The following ANP32A variants were observed in gnomAD, a reference collection of about 807,000 sequenced individuals.
The protein encoded by ANP32A is acidic leucine-rich nuclear phosphoprotein 32 family member A.
A neutral mutation model predicts 33.9 loss-of-function variants in ANP32A; 1 was observed. The ratio of observed to expected loss-of-function variants is 0.03; its 90% CI spans 0.01 to 0.14. ANP32A has a LOEUF of 0.14. ANP32A is among the 10% of genes least tolerant of loss of function. The pLI is 1.00. For missense variants in ANP32A, 155 were observed against 306.0 expected (o/e 0.51, Z 3.68); for synonymous variants, 115 against 120.5 (o/e 0.95, Z 0.30).
intron 4 of ANP32A, 52 bp from the exon 5 acceptor site, chr15:68,783,105 G>GC (rs565045993): frequency 1.6e-5 from 24 of 1,548,238 alleles, no homozygotes; most frequent in Admixed American, 9.8e-5. Flanking sequence ...AGCTGGCTCC[G>GC]CCCCCCACAC....
At chr15:68,805,685 G>A (rs938798561) in intron 1 of ANP32A, among the ~76,000 whole-genome samples, 10 of 152,200 alleles carry the variant, frequency 6.6e-5, no homozygotes, top group African/African-American at 9.7e-5. Context: ...GGTACTTCTA[G>A]ATCAGATATC....
chr15:68,813,831 G>A (rs914424799), intron 1 of ANP32A, among the ~76,000 whole-genome samples: 4 of 150,234 alleles, frequency 2.7e-5, no homozygotes, highest in African/African-American at 9.8e-5. Flanking sequence ...GCAAAGGCAT[G>A]AGATGTCTAA....
In ANP32A at chr15:68,780,093, T is replaced by A. The variant is rs754998040; in HGVS notation, c.738A>T (p.Glu246Asp). ...TAGGTTATTCCACTTAGTCATCATC[T>A]TCTCCCTCATCTTCAGGTTCTCGTT... ...KRKREPEDEG[E>D]DDD The change falls in exon 7 of 7, where the codon GAA becomes GAT. Residue 246 changes from glutamate (E) to aspartate (D), a missense_variant. Physicochemically the swap from Glu to Asp is conservative, Grantham distance 45. This residue lies in a region of ANP32A where 63 missense variants were observed against 82.8 expected (regional missense o/e 0.76). Coordinates refer to ENST00000465139, the MANE Select transcript of ANP32A (RefSeq NM_006305.4). The surrounding 1 kb of genome is among the most constrained non-coding windows in gnomAD (Gnocchi z 4.3). 6.8e-6 allele frequency: 11 copies of A among 1,613,712 alleles called. No homozygotes were observed. The highest frequency in any genetic ancestry group is 1.1e-5 in the South Asian group (1 of 91,074).
intron 1 of ANP32A, among the ~76,000 whole-genome samples, chr15:68,788,426 A>G (rs1397955413): frequency 6.7e-6 from 1 of 149,482 alleles, no homozygotes; most frequent in Non-Finnish European, 1.5e-5. Context: ...TGGCATTCAC[A>G]TGGCAGTACC....
chr15:68,807,276 A>C (rs1351377554), intron 1 of ANP32A, among the ~76,000 whole-genome samples: 3 of 152,148 alleles, frequency 2.0e-5, no homozygotes, highest in Non-Finnish European at 4.4e-5. Context: ...CTGCAGCCAG[A>C]GGGGAGTTTA....
chr15:68,789,223 A>T, intron 1 of ANP32A: 1 of 152,958 alleles, frequency 6.5e-6, no homozygotes, highest in Non-Finnish European at 1.5e-5. Flanking sequence ...AGCTCCCTGC[A>T]GGTGCCAGGA....
At chr15:68,818,270 G>A in intron 1 of ANP32A, 1 of 274,130 alleles carries the variant, frequency 3.6e-6, no homozygotes. Flanking sequence ...TTTCGGCGTC[G>A]CGGCATGGCC....
chr15:68,788,234 G>C (rs962828184), intron 1 of ANP32A, among the ~76,000 whole-genome samples: 1 of 152,288 alleles, frequency 6.6e-6, no homozygotes, highest in Admixed American at 6.5e-5. Flanking sequence ...TGCTGCCTCT[G>C]CAAGGTTGGT....
chr15:68,805,998 C>A (rs201376875), intron 1 of ANP32A, among the ~76,000 whole-genome samples: 1 of 152,170 alleles, frequency 6.6e-6, no homozygotes, highest in East Asian at 1.9e-4. Context: ...GAATGATTAG[C>A]CAAGCCAAGG....
Position 68,780,586 on chromosome 15 carries a change from C to G in ANP32A, c.625-113G>C, listed in dbSNP as rs1893855642. On this transcript the variant is annotated intron_variant, in intron 5 of 6. Transcript: ENST00000465139. This position sits in a 1 kb window ranked among gnomAD's most constrained non-coding sequence, Gnocchi z 4.3. The stretch of plus-strand genomic sequence containing the variant: ...GTCACCCCCAGCCTCTCAGAGCCCC[C>G]ACCAAGACTTGACATCTCGGGAGGA... 3 of 1,504,208 alleles carry G rather than the reference C, an allele frequency of 2.0e-6. No individual in the cohort carries two copies. Among genetic ancestry groups the G allele is most frequent in the Non-Finnish European group, 2.7e-6 (3 of 1,130,232 alleles). The allele number at this position is 1,504,208 out of a possible 1,614,324, so 93.2% of individuals were successfully genotyped here.
Position 68,780,227 on chromosome 15 carries a change from C to T in ANP32A, c.689-85G>A. The T allele has an allele frequency of 6.3e-7, 1 of 1,582,986 alleles. No individual in the cohort carries two copies. Among genetic ancestry groups the T allele is most frequent in the East Asian group, 2.2e-5 (1 of 44,590 alleles). On this transcript the variant is annotated intron_variant, in intron 6 of 6. Coordinates refer to ENST00000465139, the MANE Select transcript of ANP32A (RefSeq NM_006305.4). This position sits in a 1 kb window ranked among gnomAD's most constrained non-coding sequence, Gnocchi z 4.3. Reference sequence around the variant, plus strand: ...CCACCCAGTGAGAAGTCAGGGGACCCATGACTAGCAAGCTGTGCCATCCTT... The same window carrying T: ...CCACCCAGTGAGAAGTCAGGGGACCTATGACTAGCAAGCTGTGCCATCCTT...
At chr15:68,805,426 G>T (rs1470901) in intron 1 of ANP32A, among the ~76,000 whole-genome samples, 69,662 of 152,152 alleles carry the variant, frequency 0.46, 16,813 homozygotes, top group Admixed American at 0.57. Context: ...GAAAATAAAT[G>T]TATTATTGTT....
In ANP32A at chr15:68,814,012, G is replaced by C. The variant is rs149173454; in HGVS notation, c.54+6686C>G. Among the ~76,000 whole-genome samples the C allele has an allele frequency of 7.2e-3, 1,088 of 151,938 alleles. 15 individuals are homozygous for C. The highest frequency in any genetic ancestry group is 0.025 in the African/African-American group (1,024 of 41,480). ...AGCCTCCCGAATAGCTGGGACCACA[G>C]GCACCCGCCACCATGCCCGGCTAAT... On this transcript the variant is annotated intron_variant, in intron 1 of 6. Transcript: ENST00000465139.
Position 68,814,455 on chromosome 15 carries a change from GA to G in ANP32A, c.54+6242del, listed in dbSNP as rs796517409. 1.7e-3 allele frequency among the ~76,000 whole-genome samples: 245 copies of G among 145,354 alleles called. 4 individuals are homozygous for G. The highest frequency in any genetic ancestry group is 1.4e-3 in the East Asian group (7 of 4,986). On this transcript the variant is annotated intron_variant, in intron 1 of 6. Transcript: ENST00000465139. Reference sequence around the variant, plus strand: ...CAAGTCTCATACTGCTATGGGGAAAGAAAAAAAAAAAGAAAGATGGCCAACT... The same window carrying G: ...CAAGTCTCATACTGCTATGGGGAAAGAAAAAAAAAAGAAAGATGGCCAACT...
chr15:68,784,311 C>A (rs886429858), intron 4 of ANP32A, 86 bp downstream of exon 4: 1 of 1,484,536 alleles, frequency 6.7e-7, no homozygotes, highest in East Asian at 2.5e-5. Flanking sequence ...TCCCAACACC[C>A]AGCCCACCCA....
intron 1 of ANP32A, chr15:68,818,333 G>T (rs769279031): frequency 1.3e-4 from 26 of 203,808 alleles, no homozygotes; most frequent in Admixed American, 6.1e-5. Context: ...TGTGTGGGGG[G>T]CCCAGGGGCA....
intron 3 of ANP32A, 125 bp downstream of exon 3, chr15:68,787,288 T>C: frequency 7.4e-7 from 1 of 1,351,172 alleles, no homozygotes; most frequent in Non-Finnish European, 1.0e-6. Context: ...CAATTCTATC[T>C]CATAGCACAT....
chr15:68,798,220 C>G (rs773228645), intron 1 of ANP32A, among the ~76,000 whole-genome samples: 2 of 152,096 alleles, frequency 1.3e-5, no homozygotes, highest in Non-Finnish European at 2.9e-5. Context: ...GGATGGACCC[C>G]GAGTGGAGGA....
rs1469433115 is a variant in ANP32A at position 68,778,800 on chromosome 15, T to TATCA, written c.*1277_*1280dup. ...ATATATCTCATAAGAAAAGCTATTCTATCAGGTAACAAAAATGAAGCTTCC... is the reference window on the plus strand; with the variant it reads ...ATATATCTCATAAGAAAAGCTATTCTATCAATCAGGTAACAAAAATGAAGCTTCC... On this transcript the variant is annotated 3_prime_UTR_variant, in exon 7 of 7. Coordinates refer to ENST00000465139, the MANE Select transcript of ANP32A (RefSeq NM_006305.4). 6.6e-6 allele frequency: 1 copy of TATCA among 152,170 alleles called. No individual in the cohort carries two copies. Among genetic ancestry groups the TATCA allele is most frequent in the African/African-American group, 2.4e-5 (1 of 41,438 alleles). 9.4% of individuals were successfully genotyped at this position (152,170 alleles called of 1,614,324 possible). A position where few individuals can be genotyped will look rare whatever the true frequency, so the allele number is the denominator to read the frequency against.
Sources: gnomAD v4.1 joint callset for allele counts (sites outside exome capture counted in the v4.1 genomes callset) on GRCh38, gnomAD v4.1.1 for gene constraint, gnomAD v4.1.1 regional missense constraint, Gnocchi (gnomAD v3.1) non-coding constraint, MANE v1.5 for transcripts, NCBI Gene and HGNC (gene_info 2026-07-23, HGNC 2026-07-21) for gene names.